Variants in CDK18 observed in about 807,000 individuals in gnomAD.
CDK18 encodes the protein cyclin dependent kinase 18.
A neutral mutation model predicts 62.0 loss-of-function variants in CDK18; 52 were observed. That is an observed-to-expected ratio of 0.84 (90% confidence interval 0.67 to 1.06). The LOEUF is 1.06. Among genes scored for constraint, CDK18 ranks in the 50% least tolerant of loss-of-function variants. The pLI, the probability that CDK18 is intolerant of heterozygous loss-of-function variation, is 0.00. For synonymous variants in CDK18, 237 were observed against 247.0 expected (o/e 0.96, Z 0.38); for missense variants, 604 against 619.9 (o/e 0.97, Z 0.27).
chr1:205,528,173 G>A lies in CDK18; in HGVS notation c.974+5G>A. The A allele has an allele frequency of 6.2e-7, 1 of 1,613,350 alleles. No homozygotes were observed. The highest frequency in any genetic ancestry group is 2.2e-5 in the East Asian group (1 of 44,874). On this transcript the variant is annotated splice_donor_5th_base_variant and intron_variant, in intron 10 of 15. Coordinates refer to ENST00000429964, the MANE Select transcript of CDK18 (RefSeq NM_212502.3). The surrounding 1 kb of genome is among the most constrained non-coding windows in gnomAD (Gnocchi z 4.2). ...CTCCACCCCCATTGATATGTGGTGAGTGAGCACTGTGGGGACCGAGGAGGG... is the reference window on the plus strand; with the variant it reads ...CTCCACCCCCATTGATATGTGGTGAATGAGCACTGTGGGGACCGAGGAGGG...
intron 1 of CDK18, among the ~76,000 whole-genome samples, chr1:205,509,988 G>A (rs1407247645): frequency 1.3e-5 from 2 of 151,850 alleles, no homozygotes; most frequent in African/African-American, 2.4e-5. Flanking sequence ...GCTGAGGCAC[G>A]AGAATCGCTT....
In CDK18 at chr1:205,532,414, C is replaced by T. The variant is rs1390196640; in HGVS notation, c.*1036C>T. 1 of 152,846 alleles carries T rather than the reference C, an allele frequency of 6.5e-6. No homozygotes were observed. Among genetic ancestry groups the T allele is most frequent in the Non-Finnish European group, 1.5e-5 (1 of 68,262 alleles). 9.5% of individuals were successfully genotyped at this position (152,846 alleles called of 1,614,324 possible). ...TCCCAGCCCTTGTGGCTCTGTCCAC[C>T]TGATCCCAATACCAGCTTCCCCCAG... On this transcript the variant is annotated 3_prime_UTR_variant, in exon 16 of 16. Transcript: ENST00000429964.
chr1:205,509,377 A>T (rs147741545), intron 1 of CDK18, among the ~76,000 whole-genome samples: 386 of 152,144 alleles, frequency 2.5e-3, no homozygotes, highest in Non-Finnish European at 4.6e-3. Flanking sequence ...TGACCCAATA[A>T]TGGCTGGCTG....
chr1:205,524,230 A>G lies in CDK18; in HGVS notation c.274-2A>G. On this transcript the variant is annotated splice_acceptor_variant, in intron 3 of 15. Transcript: ENST00000429964. LOFTEE classifies it high-confidence loss of function. The stretch of plus-strand genomic sequence containing the variant: ...GTCCCCATCTCATCCCTGTCACCAC[A>G]GGACGTCAGCAAGAGGCTCTCTCTG... The G allele has an allele frequency of 3.7e-6, 6 of 1,614,172 alleles. No homozygotes were observed. Among genetic ancestry groups the G allele is most frequent in the Non-Finnish European group, 5.1e-6 (6 of 1,180,004 alleles).
In CDK18 at chr1:205,525,405, G is replaced by A. The variant is rs187930431; in HGVS notation, c.456+210G>A. Reference sequence around the variant, plus strand: ...GCTCAGATCCTGAAGGAGGGCGTGAGGATAGAGTAGCCATGGCCCTGGGCA... The same window carrying A: ...GCTCAGATCCTGAAGGAGGGCGTGAAGATAGAGTAGCCATGGCCCTGGGCA... On this transcript the variant is annotated intron_variant, in intron 5 of 15. Transcript: ENST00000429964. Among the ~76,000 whole-genome samples, 278 of 152,294 alleles carry A rather than the reference G, an allele frequency of 1.8e-3. 3 individuals carry two copies. Among genetic ancestry groups the A allele is most frequent in the East Asian group, 0.011 (58 of 5,180 alleles).
At chr1:205,505,570 TG>T (rs1667267412) in intron 1 of CDK18, among the ~76,000 whole-genome samples, 1 of 152,162 alleles carries the variant, frequency 6.6e-6, no homozygotes, top group African/African-American at 2.4e-5. Context: ...GCTAAGGAGA[TG>T]TGCCTTGAGG....
At position 205,532,344 on chromosome 1, in the gene CDK18, C is replaced by T. The variant is rs956570224; in HGVS notation, c.*966C>T. Reference sequence around the variant, plus strand: ...GAGTCACCCTGACACTGGTGCCAGGCTGACCTCAGCTCCCGAAGGCTCGCA... The same window carrying T: ...GAGTCACCCTGACACTGGTGCCAGGTTGACCTCAGCTCCCGAAGGCTCGCA... On this transcript the variant is annotated 3_prime_UTR_variant, in exon 16 of 16. Transcript: ENST00000429964. 6.5e-6 allele frequency: 1 copy of T among 152,722 alleles called. No individual in the cohort carries two copies. Among genetic ancestry groups the T allele is most frequent in the Non-Finnish European group, 1.5e-5 (1 of 68,138 alleles). The allele number at this position is 152,722 out of a possible 1,614,324, so 9.5% of individuals were successfully genotyped here.
intron 1 of CDK18, among the ~76,000 whole-genome samples, chr1:205,507,512 T>A (rs979218392): frequency 6.7e-6 from 1 of 149,042 alleles, no homozygotes; most frequent in Non-Finnish European, 1.5e-5. Flanking sequence ...TGGTGGCAGG[T>A]GCCTGTAGCT....
chr1:205,512,318 C>G (rs1346327543), intron 1 of CDK18, among the ~76,000 whole-genome samples: 1 of 152,122 alleles, frequency 6.6e-6, no homozygotes, highest in Non-Finnish European at 1.5e-5. Flanking sequence ...AGTAAGTCCA[C>G]CAGACCCGGG....
chr1:205,529,474 C>T (rs761722989), intron 12 of CDK18, 45 bp downstream of exon 12: 1 of 1,609,984 alleles, frequency 6.2e-7, no homozygotes, highest in Non-Finnish European at 8.5e-7. Flanking sequence ...CCCTGGCTCT[C>T]CCATCCCCAA....
Position 205,528,923 on chromosome 1 carries a change from T to C in CDK18, c.975-76T>C. On this transcript the variant is annotated intron_variant, in intron 10 of 15. Coordinates refer to ENST00000429964, the MANE Select transcript of CDK18 (RefSeq NM_212502.3). The surrounding 1 kb of genome is among the most constrained non-coding windows in gnomAD (Gnocchi z 4.2). Reference sequence around the variant, plus strand: ...GCAGCCGCCTGTGGCAGGTCGTCATTGGTGCCCTGGTGGAGCAGCCCTAGG... The same window carrying C: ...GCAGCCGCCTGTGGCAGGTCGTCATCGGTGCCCTGGTGGAGCAGCCCTAGG... 2.1e-6 allele frequency: 2 copies of C among 954,758 alleles called. No homozygotes were observed. The highest frequency in any genetic ancestry group is 3.2e-6 in the Non-Finnish European group (2 of 632,142). The allele number at this position is 954,758 out of a possible 1,614,324, so 59.1% of individuals were successfully genotyped here. A position where few individuals can be genotyped will look rare whatever the true frequency, so the allele number is the denominator to read the frequency against.
chr1:205,526,565 GA>G, intron 7 of CDK18, 104 bp downstream of exon 7: 1 of 994,764 alleles, frequency 1.0e-6, no homozygotes, highest in Non-Finnish European at 1.6e-6. Context: ...GGATGAGGGC[GA>G]CCCAGGCCTT....
Position 205,526,351 on chromosome 1 carries a change from A to G in CDK18, c.572-16A>G. On this transcript the variant is annotated splice_polypyrimidine_tract_variant and intron_variant, in intron 6 of 15. Transcript: ENST00000429964. ...CATGGGGTCCTAGGGACCCAGGTGG[A>G]TCTGTCTCCTCACAGTGTCTCTGCT... 2 of 1,608,114 alleles carry G rather than the reference A, an allele frequency of 1.2e-6. 1 individual carries two copies. Among genetic ancestry groups the G allele is most frequent in the African/African-American group, 2.7e-5 (2 of 74,896 alleles).
rs1393810767 is a variant in CDK18, at chr1:205,528,877, G to A, written c.975-122G>A. 11 of 638,772 alleles carry A rather than the reference G, an allele frequency of 1.7e-5. No individual in the cohort carries two copies. Among genetic ancestry groups the A allele is most frequent in the East Asian group, 8.3e-5 (3 of 35,998 alleles). 39.6% of individuals were successfully genotyped at this position (638,772 alleles called of 1,614,324 possible). A position where few individuals can be genotyped will look rare whatever the true frequency, so the allele number is the denominator to read the frequency against. Reference sequence around the variant, plus strand: ...CTCCACTGCCCTGGGCCACCCCTCCGCCGCCAGAGCCACGATCCCTGCAGC... The same window carrying A: ...CTCCACTGCCCTGGGCCACCCCTCCACCGCCAGAGCCACGATCCCTGCAGC... On this transcript the variant is annotated intron_variant, in intron 10 of 15. Coordinates refer to ENST00000429964, the MANE Select transcript of CDK18 (RefSeq NM_212502.3). The surrounding 1 kb of genome is among the most constrained non-coding windows in gnomAD (Gnocchi z 4.2).
intron 1 of CDK18, among the ~76,000 whole-genome samples, chr1:205,521,826 C>A (rs1034880357): frequency 1.3e-5 from 2 of 152,196 alleles, no homozygotes; most frequent in African/African-American, 4.8e-5. Context: ...CAGGAGGATT[C>A]GGGAAGGGCC....
At chr1:205,508,737 G>A (rs1027181941) in intron 1 of CDK18, among the ~76,000 whole-genome samples, 7 of 152,178 alleles carry the variant, frequency 4.6e-5, no homozygotes, top group African/African-American at 1.2e-4. Flanking sequence ...CCAGCTACTC[G>A]GGAGGCTGAG....
At position 205,523,550 on chromosome 1, in the gene CDK18, C is replaced by G. The variant is rs560098318; in HGVS notation, c.198C>G (p.Ser66Arg). Residue 66 changes from serine (S) to arginine (R), a missense_variant, in exon 3 of 16, where the codon AGC becomes AGG. Coordinates refer to ENST00000429964, the MANE Select transcript of CDK18 (RefSeq NM_212502.3). ...QECSTFSPTD[S>R]GEEPGQLSPG... ...GCAGCACCTTCTCCCCAACAGACAG[C>G]GGGGAGGAGCCGGGGCAGCTCTCCC... is the stretch of plus-strand genomic sequence containing the variant. 3 of 1,604,834 alleles carry G rather than the reference C, an allele frequency of 1.9e-6. No individual in the cohort carries two copies. Among genetic ancestry groups the G allele is most frequent in the Non-Finnish European group, 2.6e-6 (3 of 1,176,168 alleles).
chr1:205,510,341 C>T (rs1667509171), intron 1 of CDK18, among the ~76,000 whole-genome samples: 1 of 152,162 alleles, frequency 6.6e-6, no homozygotes, highest in Non-Finnish European at 1.5e-5. Flanking sequence ...CCTGGCAGGA[C>T]CCACTGCCTG....
At chr1:205,530,505 T>C (rs1049549980) in intron 14 of CDK18, 123 bp from the exon 15 acceptor site, 5 of 1,202,618 alleles carry the variant, frequency 4.2e-6, no homozygotes, top group African/African-American at 1.5e-5. Context: ...TCATTCCAAA[T>C]TGAGGGGGCA....
Sources: allele counts gnomAD v4.1 joint callset (sites outside exome capture counted in the v4.1 genomes callset), GRCh38; gene constraint gnomAD v4.1.1; non-coding constraint Gnocchi (gnomAD v3.1); transcripts MANE v1.5; gene names NCBI Gene and HGNC (gene_info 2026-07-23, HGNC 2026-07-21).